The following NDST4 variants were observed in gnomAD, a reference collection of about 807,000 sequenced individuals.
NDST4 encodes the protein N-heparan sulfate sulfotransferase 4.
NDST4 carries 63 observed loss-of-function variants against 100.8 expected under a neutral mutation model. The observed-to-expected ratio is 0.62, with a 90% confidence interval of 0.51 to 0.77. NDST4 has a LOEUF of 0.77. Among genes scored for constraint, NDST4 ranks in the 30% least tolerant of loss-of-function variants. The pLI is 0.00. For synonymous variants in NDST4, 377 were observed against 361.8 expected (o/e 1.04, Z -0.48); for missense variants, 943 against 1,018.4 (o/e 0.93, Z 1.01).
chr4:114,944,172 T>C (rs1725811656), intron 4 of NDST4, among the ~76,000 whole-genome samples: 1 of 152,168 alleles, frequency 6.6e-6, no homozygotes, highest in African/African-American at 2.4e-5. Context: ...GTGTGAACTG[T>C]TTCAAGGGGT....
In NDST4 at chr4:114,894,375, T is replaced by C. The variant is rs1161931255; in HGVS notation, c.1537-23425A>G. Among the ~76,000 whole-genome samples, 3 of 152,224 alleles carry C rather than the reference T, an allele frequency of 2.0e-5. No homozygotes were observed. The East Asian group carries it at 5.8e-4, about 29-fold the overall frequency. On this transcript the variant is annotated intron_variant, in intron 6 of 13. Coordinates refer to ENST00000264363, the MANE Select transcript of NDST4 (RefSeq NM_022569.3). ...CATTGATTCTTCATATCCATGAGTA[T>C]GGAATGTGTTTCCATTTGTTTGTGT...
At chr4:114,934,319 A>G (rs982296628) in intron 6 of NDST4, among the ~76,000 whole-genome samples, 3 of 152,136 alleles carry the variant, frequency 2.0e-5, no homozygotes, top group African/African-American at 7.2e-5. Flanking sequence ...TGGGAGGCCG[A>G]GGCAGGCAGA....
intron 2 of NDST4, among the ~76,000 whole-genome samples, chr4:115,031,228 CTGT>C (rs759182154): frequency 6.6e-6 from 1 of 151,970 alleles, no homozygotes; most frequent in African/African-American, 2.4e-5. Context: ...ATTCCTCTAC[CTGT>C]TGTTGTTGTT....
At chr4:115,063,834 T>C (rs762955635) in intron 2 of NDST4, among the ~76,000 whole-genome samples, 8 of 150,016 alleles carry the variant, frequency 5.3e-5, no homozygotes, top group Non-Finnish European at 8.8e-5. Flanking sequence ...AAATACTTCT[T>C]AATACTTTTT....
At chr4:114,864,632 C>T (rs963111462) in intron 7 of NDST4, among the ~76,000 whole-genome samples, 3 of 152,180 alleles carry the variant, frequency 2.0e-5, no homozygotes, top group Non-Finnish European at 4.4e-5. Context: ...TTTATGAAGG[C>T]TTGAACTCTC....
chr4:114,988,497 G>T (rs1302808917), intron 2 of NDST4, among the ~76,000 whole-genome samples: 1 of 151,400 alleles, frequency 6.6e-6, no homozygotes, highest in Non-Finnish European at 1.5e-5. Flanking sequence ...AAGTAGCTGG[G>T]ACTACAGGCG....
chr4:115,072,994 C>T (rs561004921), intron 2 of NDST4, among the ~76,000 whole-genome samples: 5 of 151,996 alleles, frequency 3.3e-5, no homozygotes, highest in African/African-American at 1.2e-4. Context: ...ACAAATAACT[C>T]ATCTTAAAAA....
intron 2 of NDST4, among the ~76,000 whole-genome samples, chr4:115,023,746 G>A (rs114126941): frequency 1.3e-5 from 2 of 152,106 alleles, no homozygotes; most frequent in African/African-American, 2.4e-5. Flanking sequence ...AAAGAGATTC[G>A]TATGGACAAA....
chr4:115,057,072 T>A (rs929422377), intron 2 of NDST4, among the ~76,000 whole-genome samples: 1 of 152,160 alleles, frequency 6.6e-6, no homozygotes, highest in Non-Finnish European at 1.5e-5. Context: ...AGGATGAATT[T>A]ACATATGTAA....
intron 7 of NDST4, among the ~76,000 whole-genome samples, chr4:114,859,513 C>T (rs1167399485): frequency 6.6e-6 from 1 of 152,118 alleles, no homozygotes; most frequent in Non-Finnish European, 1.5e-5. Flanking sequence ...GTGGTGGAAG[C>T]TCTTTTCTCC....
At chr4:114,829,154 G>A (rs371661791) in intron 13 of NDST4, among the ~76,000 whole-genome samples, 210 of 152,192 alleles carry the variant, frequency 1.4e-3, no homozygotes, top group African/African-American at 4.5e-3. Context: ...CTTGCCATAA[G>A]AGAAATATGT....
chr4:114,977,409 A>C, intron 2 of NDST4, 135 bp from the exon 3 acceptor site: 2 of 495,612 alleles, frequency 4.0e-6, no homozygotes, highest in Non-Finnish European at 7.1e-6. Context: ...ACTGTTATGT[A>C]GTATTCGTAT....
At chr4:115,049,248 CTT>C (rs1415137733) in intron 2 of NDST4, among the ~76,000 whole-genome samples, 1 of 151,264 alleles carries the variant, frequency 6.6e-6, no homozygotes. Context: ...AATAACGTGT[CTT>C]TTGCAAATTG....
chr4:115,023,871 C>A (rs1207865246), intron 2 of NDST4, among the ~76,000 whole-genome samples: 4 of 152,072 alleles, frequency 2.6e-5, no homozygotes, highest in Non-Finnish European at 5.9e-5. Flanking sequence ...TGGAGATGAA[C>A]CCAGGGCACC....
intron 6 of NDST4, among the ~76,000 whole-genome samples, chr4:114,902,202 A>G (rs1724856027): frequency 6.6e-6 from 1 of 151,978 alleles, no homozygotes; most frequent in African/African-American, 2.4e-5. Flanking sequence ...ATGTAGAATC[A>G]AGTTTATGAC....
intron 6 of NDST4, among the ~76,000 whole-genome samples, chr4:114,899,181 T>C (rs1724781553): frequency 6.6e-6 from 1 of 151,994 alleles, no homozygotes; most frequent in Admixed American, 6.6e-5. Context: ...CGTTTTTTGT[T>C]TTTGTTTTTG....
At chr4:115,014,691 C>T (rs1727637118) in intron 2 of NDST4, among the ~76,000 whole-genome samples, 1 of 152,030 alleles carries the variant, frequency 6.6e-6, no homozygotes, top group Non-Finnish European at 1.5e-5. Context: ...GCAGAGGATG[C>T]TGCTTGGAGT....
At chr4:115,081,319 G>A (rs1471566761) in intron 1 of NDST4, among the ~76,000 whole-genome samples, 1 of 152,120 alleles carries the variant, frequency 6.6e-6, no homozygotes, top group Non-Finnish European at 1.5e-5. Context: ...AAACTGGCCG[G>A]TGGAGATGAG....
intron 1 of NDST4, among the ~76,000 whole-genome samples, chr4:115,096,534 C>A (rs991316503): frequency 5.9e-5 from 9 of 152,018 alleles, no homozygotes; most frequent in African/African-American, 2.2e-4. Flanking sequence ...CACTTATTCC[C>A]TATGTGAGTG....
Sources: gnomAD v4.1 joint callset for allele counts (sites outside exome capture counted in the v4.1 genomes callset) on GRCh38, gnomAD v4.1.1 for gene constraint, MANE v1.5 for transcripts, NCBI Gene and HGNC (gene_info 2026-07-23, HGNC 2026-07-21) for gene names.